SLC23A2: variants seen among roughly 807,000 people sequenced by gnomAD.
The protein encoded by SLC23A2 is Na(+)/L-ascorbic acid transporter 2.
Under a neutral mutation model 73.3 loss-of-function variants are expected in SLC23A2, and 36 were observed. The observed-to-expected ratio is 0.49, with a 90% CI of 0.38 to 0.65. The LOEUF (loss-of-function observed/expected upper bound fraction) is 0.65. SLC23A2 is among the 30% of genes least tolerant of loss of function. The pLI is 0.00. For missense variants in SLC23A2, 507 were observed against 841.6 expected (o/e 0.60, Z 4.92); for synonymous variants, 343 against 327.3 (o/e 1.05, Z -0.52).
intron 2 of SLC23A2, among the ~76,000 whole-genome samples, chr20:4,953,952 T>C (rs1347608197): frequency 1.3e-5 from 2 of 151,730 alleles, no homozygotes; most frequent in South Asian, 2.1e-4. Flanking sequence ...TGAAAAAAAG[T>C]AACACTAATG....
intron 2 of SLC23A2, among the ~76,000 whole-genome samples, chr20:4,938,459 G>A (rs927190296): frequency 1.3e-5 from 2 of 151,038 alleles, no homozygotes; most frequent in East Asian, 2.0e-4. Context: ...CTGCCTCAGC[G>A]TCTCGAGTAG....
chr20:4,957,242 G>A (rs898838543), intron 2 of SLC23A2, among the ~76,000 whole-genome samples: 12 of 151,986 alleles, frequency 7.9e-5, no homozygotes, highest in Non-Finnish European at 1.5e-4. Context: ...GGTCACTTGA[G>A]GATAGGAGTT....
At chr20:4,886,207 C>T (rs769094880) in intron 6 of SLC23A2, among the ~76,000 whole-genome samples, 3 of 152,212 alleles carry the variant, frequency 2.0e-5, no homozygotes, top group South Asian at 4.1e-4. Flanking sequence ...CTCTTGCAGG[C>T]GGGAGACTGC....
At chr20:4,905,331 G>A (rs1931903879) in intron 4 of SLC23A2, among the ~76,000 whole-genome samples, 1 of 152,150 alleles carries the variant, frequency 6.6e-6, no homozygotes, top group African/African-American at 2.4e-5. Context: ...AACACTGTGA[G>A]GCAGACGCTG....
rs556906820 is a variant in SLC23A2, at chr20:4,857,759, C to T, written c.1721-555G>A. On this transcript the variant is annotated intron_variant, in intron 16 of 16. Coordinates refer to ENST00000338244, the MANE Select transcript of SLC23A2 (RefSeq NM_005116.6). This position sits in a 1 kb window ranked among gnomAD's most constrained non-coding sequence, Gnocchi z 4.0. Reference sequence around the variant, plus strand: ...CAGCCTAGCCAACATGGTGAAATCCCGTCCCCACTCAAAATACAAAAATTA... The same window carrying T: ...CAGCCTAGCCAACATGGTGAAATCCTGTCCCCACTCAAAATACAAAAATTA... Among the ~76,000 whole-genome samples the T allele has an allele frequency of 2.0e-5, 3 of 152,134 alleles. No homozygotes were observed. Among genetic ancestry groups the T allele is most frequent in the African/African-American group, 4.8e-5 (2 of 41,504 alleles).
At chr20:4,919,041 T>C (rs1159948902) in intron 3 of SLC23A2, among the ~76,000 whole-genome samples, 1 of 152,242 alleles carries the variant, frequency 6.6e-6, no homozygotes, top group Non-Finnish European at 1.5e-5. Flanking sequence ...GCTCCTTTAC[T>C]ATGAACATGA....
rs577612953 is a variant in SLC23A2 at position 4,997,797 on chromosome 20, ATT to A, written c.-282+3607_-282+3608del. Among the ~76,000 whole-genome samples, 6 of 151,518 alleles carry A rather than the reference ATT, an allele frequency of 4.0e-5. No homozygotes were observed. In the South Asian group the frequency reaches 1.3e-3, roughly 32 times the overall value. On this transcript the variant is annotated intron_variant, in intron 1 of 16. Transcript: ENST00000338244. ...TACTACCACGTCCAGCGAATTTTTT[ATT>A]TTATTTTATTTTATTTTGTAGAGAC...
chr20:4,943,582 G>A (rs1484336193), intron 2 of SLC23A2, among the ~76,000 whole-genome samples: 9 of 151,718 alleles, frequency 5.9e-5, no homozygotes, highest in African/African-American at 2.2e-4. Flanking sequence ...GACTGAGGTG[G>A]GAGGATGGCT....
chr20:4,896,783 GCA>G (rs1225538253), intron 6 of SLC23A2, among the ~76,000 whole-genome samples: 21 of 152,188 alleles, frequency 1.4e-4, no homozygotes, highest in African/African-American at 4.8e-4. Context: ...GTCCTTCAAG[GCA>G]CAGCCCCGGG....
intron 1 of SLC23A2, among the ~76,000 whole-genome samples, chr20:4,987,481 C>G (rs1319125532): frequency 6.6e-6 from 1 of 152,140 alleles, no homozygotes; most frequent in African/African-American, 2.4e-5. Flanking sequence ...TTATCACTCT[C>G]AGGGAGAGAC....
At chr20:4,875,764 G>A (rs143064162) in intron 9 of SLC23A2, among the ~76,000 whole-genome samples, 163 of 152,338 alleles carry the variant, frequency 1.1e-3, no homozygotes, top group African/African-American at 2.8e-3. Context: ...CCAACAATGC[G>A]TCTAAGCCTC....
At position 4,869,888 on chromosome 20, in the gene SLC23A2, G is replaced by A. The variant is rs747649940; in HGVS notation, c.1250+18C>T. The A allele has an allele frequency of 6.3e-7, 1 of 1,574,990 alleles. No homozygotes were observed. The highest frequency in any genetic ancestry group is 8.7e-7 in the Non-Finnish European group (1 of 1,149,216). ...AGGTGCTGGGACCAATCAGGAACTTGTCTTCTCAGGAACGTACCTGTTTAT... is the reference window on the plus strand; with the variant it reads ...AGGTGCTGGGACCAATCAGGAACTTATCTTCTCAGGAACGTACCTGTTTAT... On this transcript the variant is annotated intron_variant, in intron 12 of 16. Coordinates refer to ENST00000338244, the MANE Select transcript of SLC23A2 (RefSeq NM_005116.6).
intron 9 of SLC23A2, among the ~76,000 whole-genome samples, chr20:4,882,302 G>A (rs1208136944): frequency 6.6e-6 from 1 of 152,092 alleles, no homozygotes; most frequent in Admixed American, 6.5e-5. Flanking sequence ...TTAAACTCGG[G>A]AGGTGGAGGT....
At chr20:4,864,457 C>G (rs1930114248) in intron 13 of SLC23A2, among the ~76,000 whole-genome samples, 1 of 152,188 alleles carries the variant, frequency 6.6e-6, no homozygotes, top group Admixed American at 6.5e-5. Flanking sequence ...TAGCCTGCCC[C>G]ACACCACAGA....
At chr20:4,891,940 G>A (rs1484421754) in intron 6 of SLC23A2, among the ~76,000 whole-genome samples, 1 of 151,748 alleles carries the variant, frequency 6.6e-6, no homozygotes, top group African/African-American at 2.4e-5. Flanking sequence ...TTTTTGTAGA[G>A]ACAAGGTCTC....
At chr20:4,866,900 G>T (rs72552203) in intron 13 of SLC23A2, among the ~76,000 whole-genome samples, 10,392 of 151,898 alleles carry the variant, frequency 0.068, 414 homozygotes, top group Non-Finnish European at 0.091. Flanking sequence ...CGAGGATGGT[G>T]AACCAATTTT....
chr20:4,955,395 A>G (rs945560295), intron 2 of SLC23A2, among the ~76,000 whole-genome samples: 1 of 145,004 alleles, frequency 6.9e-6, no homozygotes, highest in Non-Finnish European at 1.5e-5. Flanking sequence ...ACACACACAC[A>G]CACCCTAGAA....
intron 3 of SLC23A2, among the ~76,000 whole-genome samples, chr20:4,925,164 T>C (rs968712963): frequency 6.9e-6 from 1 of 144,222 alleles, no homozygotes; most frequent in African/African-American, 2.6e-5. Context: ...GCCTGAATGA[T>C]AGAGCAAGAC....
chr20:4,967,641 C>A (rs2087494540), intron 2 of SLC23A2, among the ~76,000 whole-genome samples: 1 of 152,198 alleles, frequency 6.6e-6, no homozygotes, highest in African/African-American at 2.4e-5. Flanking sequence ...TTGACGTCAA[C>A]AGCACAAAGT....
Sources: gnomAD v4.1 joint callset for allele counts (sites outside exome capture counted in the v4.1 genomes callset) on GRCh38, gnomAD v4.1.1 for gene constraint, Gnocchi (gnomAD v3.1) non-coding constraint, MANE v1.5 for transcripts, NCBI Gene and HGNC (gene_info 2026-07-23, HGNC 2026-07-21) for gene names.